Variants in SYTL3 observed in about 807,000 individuals in gnomAD.
The protein encoded by SYTL3 is synaptotagmin like 3.
A neutral mutation model predicts 82.1 loss-of-function variants in SYTL3; 88 were observed. The ratio of observed to expected loss-of-function variants is 1.07; its 90% CI spans 0.90 to 1.28. The LOEUF is 1.28. Ranked by LOEUF, SYTL3 falls within the 50% of genes most tolerant of loss-of-function variation. SYTL3 has a pLI of 0.00. For synonymous variants in SYTL3, 311 were observed against 289.4 expected, an observed-to-expected ratio of 1.07 and a Z score of -0.76; for missense variants, 831 against 757.6, an observed-to-expected ratio of 1.10 and a Z score of -1.14.
At chr6:158,658,738 A>G (rs982948808) in intron 2 of SYTL3, among the ~76,000 whole-genome samples, 4 of 149,486 alleles carry the variant, frequency 2.7e-5, no homozygotes, top group African/African-American at 1.0e-4. Flanking sequence ...CAGCCTGGCC[A>G]ACATGGTGAA....
intron 12 of SYTL3, among the ~76,000 whole-genome samples, chr6:158,751,191 T>G (rs1021716476): frequency 2.0e-5 from 3 of 152,030 alleles, no homozygotes; most frequent in Non-Finnish European, 2.9e-5. Flanking sequence ...TAGAGGAGGC[T>G]CACTGTGATT....
At chr6:158,754,610 C>T (rs775699244) in intron 13 of SYTL3, among the ~76,000 whole-genome samples, 1 of 152,202 alleles carries the variant, frequency 6.6e-6, no homozygotes, top group Non-Finnish European at 1.5e-5. Context: ...GTCCCAGCTA[C>T]TCGGGAGGCT....
chr6:158,717,061 C>A (rs1346441120), intron 9 of SYTL3, among the ~76,000 whole-genome samples: 1 of 152,174 alleles, frequency 6.6e-6, no homozygotes, highest in Non-Finnish European at 1.5e-5. Flanking sequence ...GTGGGTGGAT[C>A]TCTTGAGCTC....
In SYTL3 at chr6:158,665,541, G is replaced by A. The variant is rs139337109; in HGVS notation, c.257G>A (p.Arg86His). ...RGAVCRGCSH[R>H]VCAQCRVFLR... ...GCCGTGTGCCGGGGCTGCAGCCACC[G>A]CGTGTGTGCCCAGTGCCGAGTGTTC... The change falls in exon 5 of 18, where the codon CGC becomes CAC. Residue 86 changes from arginine (R) to histidine (H), a missense_variant. By Grantham distance (29) the Arg-to-His change is conservative. Transcript: ENST00000611299. 2.1e-5 allele frequency: 33 copies of A among 1,587,980 alleles called. No homozygotes were observed. In the African/African-American group the frequency reaches 2.7e-4, roughly 13 times the overall value.
chr6:158,665,382 CTG>C lies in SYTL3; in HGVS notation c.111-12_111-11del, dbSNP rs774029430. 16 of 1,565,608 alleles carry C rather than the reference CTG, an allele frequency of 1.0e-5. No homozygotes were observed. The highest frequency in any genetic ancestry group is 9.5e-5 in the East Asian group (4 of 42,284). ...CCATCTAATACTATCTTCTTTAACTCTGAGGGCTGCAGGAAACTGAAAACACA... is the reference window on the plus strand; with the variant it reads ...CCATCTAATACTATCTTCTTTAACTCAGGGCTGCAGGAAACTGAAAACACA... On this transcript the variant is annotated splice_polypyrimidine_tract_variant and intron_variant, in intron 4 of 17. Transcript: ENST00000611299.
chr6:158,710,000 G>A (rs184863639), intron 8 of SYTL3, among the ~76,000 whole-genome samples: 15 of 152,092 alleles, frequency 9.9e-5, no homozygotes, highest in Admixed American at 3.9e-4. Flanking sequence ...GCGCCAATGC[G>A]TTCCAGCCTG....
chr6:158,661,969 C>G (rs1001089274), intron 3 of SYTL3, among the ~76,000 whole-genome samples: 4 of 152,120 alleles, frequency 2.6e-5, no homozygotes, highest in African/African-American at 9.7e-5. Flanking sequence ...CACAGCATAC[C>G]TTATTTTATG....
intron 1 of SYTL3, among the ~76,000 whole-genome samples, chr6:158,650,302 C>A (rs901332218): frequency 2.0e-5 from 3 of 151,748 alleles, no homozygotes; most frequent in African/African-American, 7.3e-5. Flanking sequence ...GTGGAAGTGA[C>A]TTCAGAGTTA....
chr6:158,755,525 G>A (rs1788951058), intron 13 of SYTL3, among the ~76,000 whole-genome samples: 1 of 152,228 alleles, frequency 6.6e-6, no homozygotes, highest in African/African-American at 2.4e-5. Context: ...TTTGTGCCTG[G>A]CCCGCAGACA....
chr6:158,713,942 G>A (rs1783050632), intron 9 of SYTL3, 64 bp downstream of exon 9: 1 of 1,251,596 alleles, frequency 8.0e-7, no homozygotes, highest in African/African-American at 1.5e-5. Flanking sequence ...CCACTGGCCA[G>A]GGCCTGGCCG....
chr6:158,761,257 A>AG (rs1789883480), intron 15 of SYTL3, among the ~76,000 whole-genome samples: 1 of 144,562 alleles, frequency 6.9e-6, no homozygotes, highest in Non-Finnish European at 1.5e-5. Flanking sequence ...AGGAGGGTGG[A>AG]GGAGGAGGAG....
At chr6:158,749,506 TC>T (rs138493769) in intron 12 of SYTL3, among the ~76,000 whole-genome samples, 18,585 of 109,150 alleles carry the variant, frequency 0.17, 1,963 homozygotes, top group African/African-American at 0.22. Flanking sequence ...TTTCTTTCTC[TC>T]TTTTTTTTTT....
chr6:158,746,844 G>A (rs1040123976), intron 12 of SYTL3, among the ~76,000 whole-genome samples: 3 of 151,198 alleles, frequency 2.0e-5, no homozygotes, highest in Non-Finnish European at 4.4e-5. Flanking sequence ...AATAGAGACA[G>A]GGTCTCACTA....
At chr6:158,736,033 G>A (rs1159871864) in intron 11 of SYTL3, among the ~76,000 whole-genome samples, 1 of 152,202 alleles carries the variant, frequency 6.6e-6, no homozygotes, top group Non-Finnish European at 1.5e-5. Context: ...AGACAGCATT[G>A]TTTATAATTG....
intron 11 of SYTL3, among the ~76,000 whole-genome samples, chr6:158,744,448 A>G (rs112884268): frequency 0.051 from 7,649 of 150,954 alleles, 228 homozygotes; most frequent in Non-Finnish European, 0.06. Flanking sequence ...CTGGGACTAT[A>G]GCTGGGACGC....
intron 6 of SYTL3, among the ~76,000 whole-genome samples, chr6:158,704,568 C>T (rs372360783): frequency 5.3e-5 from 8 of 152,242 alleles, no homozygotes; most frequent in African/African-American, 1.7e-4. Context: ...CAGGGCCGGC[C>T]TCACCGGGTA....
rs978023990 is a variant in SYTL3, at chr6:158,718,098, T to A, written c.607T>A (p.Ser203Thr). Reference sequence around the variant, plus strand: ...TGTTTGCCTTTTAGAGCTCTCCAAATCCCAGAATGATATGACTTCTGAGAA... The same window carrying A: ...TGTTTGCCTTTTAGAGCTCTCCAAAACCCAGAATGATATGACTTCTGAGAA... Reference protein sequence around the residue: ...LATHVKKLSKSQNDMTSEKHL... With the variant: ...LATHVKKLSKTQNDMTSEKHL... Residue 203 changes from serine to threonine, a missense_variant, in exon 10 of 18, where the codon TCC becomes ACC. Coordinates refer to ENST00000611299, the MANE Select transcript of SYTL3 (RefSeq NM_001242394.2). 3.2e-6 allele frequency: 5 copies of A among 1,540,888 alleles called. No individual in the cohort carries two copies. Among genetic ancestry groups the A allele is most frequent in the Non-Finnish European group, 4.4e-6 (5 of 1,142,442 alleles).
intron 10 of SYTL3, among the ~76,000 whole-genome samples, chr6:158,723,420 C>T (rs973958104): frequency 6.6e-6 from 1 of 151,812 alleles, no homozygotes; most frequent in Non-Finnish European, 1.5e-5. Context: ...GCCAAGTTGC[C>T]CTCCACTGAC....
chr6:158,704,360 C>T (rs752560286), intron 6 of SYTL3, among the ~76,000 whole-genome samples: 3 of 152,214 alleles, frequency 2.0e-5, no homozygotes, highest in Admixed American at 6.5e-5. Flanking sequence ...TGCCCCGCGT[C>T]GCTGCAGCCG....
Sources: gnomAD v4.1 joint callset for allele counts (sites outside exome capture counted in the v4.1 genomes callset) on GRCh38, gnomAD v4.1.1 for gene constraint, MANE v1.5 for transcripts, NCBI Gene and HGNC (gene_info 2026-07-23, HGNC 2026-07-21) for gene names.